CRYBG1: variants seen among roughly 807,000 people sequenced by gnomAD.
The protein encoded by CRYBG1 is crystallin beta-gamma domain containing 1.
CRYBG1 carries 139 observed loss-of-function variants against 189.2 expected under a neutral mutation model. The observed-to-expected ratio is 0.73, with a 90% CI of 0.64 to 0.85. The LOEUF is 0.85. Ranked by LOEUF, CRYBG1 falls within the 40% of genes least tolerant of loss-of-function variation. CRYBG1 has a pLI of 0.00. For synonymous variants in CRYBG1, 1,023 were observed against 1,017.1 expected (o/e 1.01, Z -0.11); for missense variants, 2,611 against 2,675.8 (o/e 0.98, Z 0.53).
chr6:106,550,924 C>T (rs974063223), intron 13 of CRYBG1, among the ~76,000 whole-genome samples: 7 of 151,770 alleles, frequency 4.6e-5, no homozygotes, highest in Non-Finnish European at 1.0e-4. Flanking sequence ...ATTTGATAAG[C>T]GAGAACGCCA....
At chr6:106,443,984 G>T (rs1472541594) in intron 1 of CRYBG1, among the ~76,000 whole-genome samples, 1 of 151,676 alleles carries the variant, frequency 6.6e-6, no homozygotes, top group Non-Finnish European at 1.5e-5. Context: ...CTGTATTTTT[G>T]TATCCATTAA....
At chr6:106,420,736 T>G (rs577339780) in intron 1 of CRYBG1, 1 of 153,254 alleles carries the variant, frequency 6.5e-6, no homozygotes, top group South Asian at 2.1e-4. Flanking sequence ...TGTTTACAAC[T>G]AATTGATCAC....
intron 1 of CRYBG1, among the ~76,000 whole-genome samples, chr6:106,427,694 T>C (rs910599299): frequency 2.6e-5 from 4 of 152,288 alleles, no homozygotes; most frequent in Non-Finnish European, 4.4e-5. Context: ...TTAAAAAACA[T>C]TTTTTTCCTC....
intron 21 of CRYBG1, among the ~76,000 whole-genome samples, chr6:106,566,726 G>A (rs944354874): frequency 6.6e-6 from 1 of 151,862 alleles, no homozygotes; most frequent in Admixed American, 6.6e-5. Flanking sequence ...AGAGAGCAGC[G>A]CCGCACGTCC....
chr6:106,557,809 C>T (rs1774590895), intron 17 of CRYBG1, among the ~76,000 whole-genome samples: 1 of 152,160 alleles, frequency 6.6e-6, no homozygotes, highest in Non-Finnish European at 1.5e-5. Flanking sequence ...TCAAAAGTGT[C>T]TATAATTTGA....
intron 1 of CRYBG1, among the ~76,000 whole-genome samples, chr6:106,430,442 C>T (rs1302253809): frequency 6.6e-6 from 1 of 152,128 alleles, no homozygotes; most frequent in Non-Finnish European, 1.5e-5. Flanking sequence ...TAGCACAAGG[C>T]TATGTGACTT....
intron 2 of CRYBG1, among the ~76,000 whole-genome samples, chr6:106,476,488 C>A (rs1354887941): frequency 6.6e-6 from 1 of 152,204 alleles, no homozygotes; most frequent in Non-Finnish European, 1.5e-5. Flanking sequence ...TCTAAATACA[C>A]TTTGACTCAT....
chr6:106,395,572 T>C (rs1225943611), intron 1 of CRYBG1, among the ~76,000 whole-genome samples: 4 of 152,070 alleles, frequency 2.6e-5, no homozygotes, highest in Non-Finnish European at 4.4e-5. Context: ...TATTATTATT[T>C]TTGTTTAATT....
chr6:106,519,011 C>CA, intron 3 of CRYBG1, 120 bp from the exon 4 acceptor site: 1 of 897,148 alleles, frequency 1.1e-6, no homozygotes, highest in Non-Finnish European at 1.6e-6. Flanking sequence ...ACACACACCA[C>CA]ACTCCAAATG....
At chr6:106,398,524 G>A (rs1002667643) in intron 1 of CRYBG1, among the ~76,000 whole-genome samples, 1 of 152,082 alleles carries the variant, frequency 6.6e-6, no homozygotes, top group East Asian at 1.9e-4. Context: ...TCAGTAATTG[G>A]TAGCAAAAAT....
chr6:106,391,361 C>A (rs897833363), intron 1 of CRYBG1, among the ~76,000 whole-genome samples: 1 of 152,172 alleles, frequency 6.6e-6, no homozygotes, highest in African/African-American at 2.4e-5. Flanking sequence ...GGATTACAGG[C>A]GTGAGCCACC....
chr6:106,444,736 C>T (rs898585415), intron 1 of CRYBG1, among the ~76,000 whole-genome samples: 1 of 152,294 alleles, frequency 6.6e-6, no homozygotes, highest in Admixed American at 6.5e-5. Flanking sequence ...CAAACATTTC[C>T]AGCCTTTGTT....
intron 2 of CRYBG1, among the ~76,000 whole-genome samples, chr6:106,465,832 T>A (rs1200697803): frequency 6.6e-6 from 1 of 152,220 alleles, no homozygotes; most frequent in East Asian, 1.9e-4. Flanking sequence ...AGCTTGTCTT[T>A]TATATCTTGT....
intron 1 of CRYBG1, among the ~76,000 whole-genome samples, chr6:106,376,172 T>C (rs1042665874): frequency 1.3e-5 from 2 of 152,234 alleles, no homozygotes; most frequent in Admixed American, 6.5e-5. Flanking sequence ...CATTTTCATA[T>C]AGCTTAGCAG....
intron 1 of CRYBG1, among the ~76,000 whole-genome samples, chr6:106,369,251 A>T (rs1769966327): frequency 6.6e-6 from 1 of 152,210 alleles, no homozygotes; most frequent in South Asian, 2.1e-4. Flanking sequence ...GCTAACACAC[A>T]CAAAAAGAAA....
chr6:106,560,663 T>C, intron 18 of CRYBG1, 140 bp from the exon 19 acceptor site: 1 of 1,072,148 alleles, frequency 9.3e-7, no homozygotes, highest in Non-Finnish European at 1.3e-6. Context: ...TTAAGTGTTC[T>C]AGAAAAGATC....
chr6:106,459,751 T>C lies in CRYBG1; in HGVS notation c.312+7919T>C, dbSNP rs1415175812. Among the ~76,000 whole-genome samples, 4 of 152,178 alleles carry C rather than the reference T, an allele frequency of 2.6e-5. No individual in the cohort carries two copies. The East Asian group carries it at 7.7e-4, about 29-fold the overall frequency. ...TATAAACAACACCATCTCTATGCTTTTTTTGGTCAGTTATTTTTGCGGGAT... is the reference window on the plus strand; with the variant it reads ...TATAAACAACACCATCTCTATGCTTCTTTTGGTCAGTTATTTTTGCGGGAT... On this transcript the variant is annotated intron_variant, in intron 2 of 21. Transcript: ENST00000633556.
At chr6:106,374,351 G>T (rs79510158) in intron 1 of CRYBG1, among the ~76,000 whole-genome samples, 8,460 of 152,072 alleles carry the variant, frequency 0.056, 393 homozygotes, top group East Asian at 0.16. Context: ...GCCAGGAGTT[G>T]GAGACCAGTC....
In CRYBG1 at chr6:106,519,812, A is replaced by G. The variant is rs1324305447; in HGVS notation, c.2604A>G (p.Ser868=). 1.9e-6 allele frequency: 3 copies of G among 1,614,214 alleles called. No homozygotes were observed. The highest frequency in any genetic ancestry group is 2.5e-6 in the Non-Finnish European group (3 of 1,180,034). ...TFSDSQSPAE[S]SPGPSLSLSA... ...CTGACTCACAGTCCCCTGCTGAGTC[A>G]TCTCCTGGGCCTTCTCTTTCACTGT... Residue 868 remains serine (S), a synonymous_variant, in exon 4 of 22, where the codon TCA becomes TCG. Coordinates refer to ENST00000633556, the MANE Select transcript of CRYBG1 (RefSeq NM_001371242.2).
Sources: allele counts gnomAD v4.1 joint callset (sites outside exome capture counted in the v4.1 genomes callset), GRCh38; gene constraint gnomAD v4.1.1; transcripts MANE v1.5; gene names NCBI Gene and HGNC (gene_info 2026-07-23, HGNC 2026-07-21).